PGAP6: variants seen among roughly 807,000 people sequenced by gnomAD.
PGAP6 encodes the protein post-GPI attachment to proteins 6.
A neutral mutation model predicts 68.4 loss-of-function variants in PGAP6; 62 were observed. That is an observed-to-expected ratio of 0.91 (90% confidence interval 0.74 to 1.12). The LOEUF (loss-of-function observed/expected upper bound fraction) is 1.12, where lower values mean the gene tolerates loss of function less well. PGAP6 is among the 50% of genes most tolerant of loss of function. PGAP6 has a pLI of 0.00. For missense variants in PGAP6, 1,188 were observed against 1,068.5 expected, an observed-to-expected ratio of 1.11 and a Z score of -1.56; for synonymous variants, 575 against 474.0, an observed-to-expected ratio of 1.21 and a Z score of -2.77.
rs766055494 is a variant in PGAP6, at chr16:376,447, G to A, written c.913C>T (p.Pro305Ser). Residue 305 changes from proline (P) to serine (S), a missense_variant, in exon 6 of 13, where the codon CCA becomes TCA. Pro to Ser is a moderately conservative substitution (Grantham distance 74, BLOSUM62 -1). Transcript: ENST00000431232. ...AGGGGCTGGATGGTCACGCTCCGTG[G>A]CCTGCAAGCTGCCGAGAGGACAAGG... is the stretch of plus-strand genomic sequence containing the variant. ...SAVAALTACR[P>S]RSVTIQPLLQ... The A allele has an allele frequency of 3.4e-5, 53 of 1,563,152 alleles. No homozygotes were observed. The highest frequency in any genetic ancestry group is 4.3e-5 in the Non-Finnish European group (50 of 1,152,710).
In PGAP6 at chr16:377,390, C is replaced by T; in HGVS notation, c.495G>A (p.Lys165=). ...CAGCCCCCCTCACCTTCAACTCGAT[C>T]TTCTGGGATGAGGGGGGCAGGTGGG... ...VAAHLPPSSQ[K]IELKGLAPTC... The change falls in exon 3 of 13, where the codon AAG becomes AAA. Residue 165 remains lysine (K), a synonymous_variant. Transcript: ENST00000431232. 1 of 1,598,432 alleles carries T rather than the reference C, an allele frequency of 6.3e-7. No homozygotes were observed. The highest frequency in any genetic ancestry group is 8.5e-7 in the Non-Finnish European group (1 of 1,171,776).
upstream of PGAP6, chr16:386,746 A>AAG (rs758843535): frequency 2.2e-6 from 1 of 448,350 alleles, no homozygotes. Flanking sequence ...AAAAAAAAAA[A>AAG]TTGGCCTTTT....
At chr16:382,066 G>A (rs1166827532), upstream of PGAP6, 6 of 436,586 alleles carry the variant, frequency 1.4e-5, no homozygotes, top group East Asian at 1.5e-4. Context: ...GGACGCCGGG[G>A]GGAGGGGTCA....
intron 11 of PGAP6, 137 bp downstream of exon 11, chr16:373,868 T>G: frequency 8.9e-7 from 1 of 1,117,398 alleles, no homozygotes; most frequent in Non-Finnish European, 1.2e-6. Flanking sequence ...TGAGCCACCA[T>G]GCTCGGCCGA....
intron 9 of PGAP6, 96 bp downstream of exon 9, chr16:374,660 C>T: frequency 6.6e-7 from 1 of 1,515,578 alleles, no homozygotes; most frequent in Non-Finnish European, 8.9e-7. Context: ...GGTCTCTCTC[C>T]AGCCCCTTGC....
At chr16:375,820 G>A (rs180821183) in intron 6 of PGAP6, among the ~76,000 whole-genome samples, 142 of 151,750 alleles carry the variant, frequency 9.4e-4, no homozygotes, top group Middle Eastern at 3.4e-3. Context: ...GTGAGCCACC[G>A]CGCCCGGCCG....
In PGAP6 at chr16:371,792, C is replaced by G; in HGVS notation, c.*195G>C. Reference sequence around the variant, plus strand: ...GGGATCTGCAGAGGGATCTCAGCAGCGAGCAGGCAGCTGGCGAGGAGAGGT... The same window carrying G: ...GGGATCTGCAGAGGGATCTCAGCAGGGAGCAGGCAGCTGGCGAGGAGAGGT... On this transcript the variant is annotated 3_prime_UTR_variant, in exon 13 of 13. Coordinates refer to ENST00000431232, the MANE Select transcript of PGAP6 (RefSeq NM_021259.3). 1 of 596,900 alleles carries G rather than the reference C, an allele frequency of 1.7e-6. No individual in the cohort carries two copies. Among genetic ancestry groups the G allele is most frequent in the Non-Finnish European group, 2.9e-6 (1 of 339,942 alleles). The allele number at this position is 596,900 out of a possible 1,614,324, so 37.0% of individuals were successfully genotyped here.
chr16:385,721 T>A (rs2054480040), upstream of PGAP6, among the ~76,000 whole-genome samples: 1 of 145,828 alleles, frequency 6.9e-6, no homozygotes, highest in Non-Finnish European at 1.5e-5. Flanking sequence ...GCCTCCCAGG[T>A]TCACGCCATT....
At chr16:383,680 G>T (rs916439068), upstream of PGAP6, among the ~76,000 whole-genome samples, 1 of 152,250 alleles carries the variant, frequency 6.6e-6, no homozygotes, top group Non-Finnish European at 1.5e-5. Context: ...AGAAAAGGGA[G>T]AAAAACACGT....
chr16:376,095 G>T, intron 6 of PGAP6, 41 bp downstream of exon 6: 1 of 1,554,032 alleles, frequency 6.4e-7, no homozygotes. Flanking sequence ...CCGGCGCCCT[G>T]CCCGAGCCCA....
chr16:375,444 G>A lies in PGAP6; in HGVS notation c.1225-9C>T. Reference sequence around the variant, plus strand: ...TCGTTCCGCATCTCTGTCTGGAAAGGGAGGCGGTGCCGGCTCAGCTCCAGC... The same window carrying A: ...TCGTTCCGCATCTCTGTCTGGAAAGAGAGGCGGTGCCGGCTCAGCTCCAGC... On this transcript the variant is annotated splice_polypyrimidine_tract_variant and intron_variant, in intron 6 of 12. Transcript: ENST00000431232. The A allele has an allele frequency of 2.5e-6, 4 of 1,611,114 alleles. No individual in the cohort carries two copies. Among genetic ancestry groups the A allele is most frequent in the Non-Finnish European group, 3.4e-6 (4 of 1,179,616 alleles).
At chr16:378,243 C>G (rs75466328) in intron 1 of PGAP6, among the ~76,000 whole-genome samples, 6,696 of 82,942 alleles carry the variant, frequency 0.081, 83 homozygotes, top group South Asian at 0.13. Context: ...TCGCCACCCG[C>G]ACTGCCATCC....
At chr16:378,169 C>T (rs1356007082) in intron 1 of PGAP6, among the ~76,000 whole-genome samples, 1 of 150,110 alleles carries the variant, frequency 6.7e-6, no homozygotes, top group Non-Finnish European at 1.5e-5. Flanking sequence ...CATCGCCACC[C>T]GCACTGCCAT....
intron 6 of PGAP6, among the ~76,000 whole-genome samples, 159 bp from the exon 7 acceptor site, chr16:375,594 G>A (rs1367029945): frequency 4.0e-5 from 6 of 150,050 alleles, no homozygotes; most frequent in Middle Eastern, 3.5e-3. Context: ...GGGCAGTGCC[G>A]CGATCTCGGC....
At position 372,826 on chromosome 16, in the gene PGAP6, C is replaced by A. The variant is rs528398828; in HGVS notation, c.1903-99G>T. 1.0e-3 allele frequency: 825 copies of A among 827,134 alleles called. 1 individual carries two copies. Among genetic ancestry groups the A allele is most frequent in the Non-Finnish European group, 1.5e-3 (776 of 518,570 alleles). 51.2% of individuals were successfully genotyped at this position (827,134 alleles called of 1,614,324 possible). A position where few individuals can be genotyped will look rare whatever the true frequency, so the allele number is the denominator to read the frequency against. On this transcript the variant is annotated intron_variant, in intron 11 of 12. Transcript: ENST00000431232. ...CGGCCCCACAGCACCTCTGCCTGCC[C>A]CCTCGGAGCTGCTGCCACCCTCAGA...
At position 375,467 on chromosome 16, in the gene PGAP6, A is replaced by T. The variant is rs766680080; in HGVS notation, c.1225-32T>A. 6.9e-6 allele frequency: 11 copies of T among 1,600,798 alleles called. No individual in the cohort carries two copies. In the South Asian group the frequency reaches 9.9e-5, roughly 14 times the overall value. ...AGGGAGGCGGTGCCGGCTCAGCTCC[A>T]GCAGCCCCTGGCCGCAGTGGGGTCA... is the stretch of plus-strand genomic sequence containing the variant. On this transcript the variant is annotated intron_variant, in intron 6 of 12. Coordinates refer to ENST00000431232, the MANE Select transcript of PGAP6 (RefSeq NM_021259.3).
Position 374,773 on chromosome 16 carries a change from C to G in PGAP6, c.1559G>C (p.Ser520Thr). ...GCACTCACCTGCCTTGCAGCTGCAG[C>G]TGGCATACAGGTAGCTGTGTCTGCG... ...LLRRHSYLYA[S>T]CSCKAGWRGW... is the part of the protein sequence containing the mutation. Residue 520 changes from serine (S) to threonine (T), a missense_variant, in exon 9 of 13, where the codon AGC becomes ACC. Coordinates refer to ENST00000431232, the MANE Select transcript of PGAP6 (RefSeq NM_021259.3). 1 of 1,612,720 alleles carries G rather than the reference C, an allele frequency of 6.2e-7. No individual in the cohort carries two copies. Among genetic ancestry groups the G allele is most frequent in the Non-Finnish European group, 8.5e-7 (1 of 1,179,916 alleles).
In PGAP6 at chr16:374,160, A is replaced by C. The variant is rs371045066; in HGVS notation, c.1756-9T>G. The C allele has an allele frequency of 6.2e-7, 1 of 1,610,670 alleles. No homozygotes were observed. The highest frequency in any genetic ancestry group is 8.5e-7 in the Non-Finnish European group (1 of 1,179,890). On this transcript the variant is annotated splice_polypyrimidine_tract_variant and intron_variant, in intron 10 of 12. Coordinates refer to ENST00000431232, the MANE Select transcript of PGAP6 (RefSeq NM_021259.3). Reference sequence around the variant, plus strand: ...TCGCAGGCGTGGTAGAACTGTGGGGAGGCTCCATGAGCGCGGTCCTGCCCT... The same window carrying C: ...TCGCAGGCGTGGTAGAACTGTGGGGCGGCTCCATGAGCGCGGTCCTGCCCT...
chr16:371,722 C>T lies in PGAP6; in HGVS notation c.*265G>A, dbSNP rs1371231797. 3 of 482,552 alleles carry T rather than the reference C, an allele frequency of 6.2e-6. No homozygotes were observed. The highest frequency in any genetic ancestry group is 1.1e-5 in the Non-Finnish European group (3 of 264,456). The allele number at this position is 482,552 out of a possible 1,614,324, so 29.9% of individuals were successfully genotyped here. The stretch of plus-strand genomic sequence containing the variant: ...CCCTCGCACAGGCACCTGTGGTCTC[C>T]AAGTAACCAAGCCCAGGCCCCAGGG... On this transcript the variant is annotated 3_prime_UTR_variant, in exon 13 of 13. Transcript: ENST00000431232.
Sources: allele counts gnomAD v4.1 joint callset (sites outside exome capture counted in the v4.1 genomes callset), GRCh38; gene constraint gnomAD v4.1.1; transcripts MANE v1.5; gene names NCBI Gene and HGNC (gene_info 2026-07-23, HGNC 2026-07-21).